SHC2: variants seen among roughly 807,000 people sequenced by gnomAD.
The protein encoded by SHC2 is SHC adaptor protein 2, also known as SHC-transforming protein 2.
A neutral mutation model predicts 60.6 loss-of-function variants in SHC2; 62 were observed. The observed-to-expected ratio is 1.02, with a 90% CI of 0.83 to 1.26. The LOEUF is 1.26. Among genes scored for constraint, SHC2 ranks in the 50% most tolerant of loss-of-function variants. The pLI is 0.00. For missense variants in SHC2, 873 were observed against 822.2 expected (o/e 1.06, Z -0.76); for synonymous variants, 375 against 372.4 (o/e 1.01, Z -0.08).
rs1014349634 is a variant in SHC2, at chr19:438,710, A to G, written c.720+8T>C. On this transcript the variant is annotated splice_region_variant and intron_variant, in intron 4 of 12. Coordinates refer to ENST00000264554, the MANE Select transcript of SHC2 (RefSeq NM_012435.3). This position sits in a 1 kb window ranked among gnomAD's most constrained non-coding sequence, Gnocchi z 5.0. ...TCTGGGGACGCCAGGCGAAGAGGGC[A>G]GACCCACCTGGCGCGTGGCAGGCAC... 12 of 1,551,558 alleles carry G rather than the reference A, an allele frequency of 7.7e-6. No homozygotes were observed. In the African/African-American group the frequency reaches 1.2e-4, roughly 16 times the overall value.
Position 460,688 on chromosome 19 carries a change from C to T in SHC2, c.309G>A (p.Gly103=). The change falls in exon 1 of 13, where the codon GGG becomes GGA. Residue 103 remains glycine (G), a synonymous_variant. Transcript: ENST00000264554. ...CCCGCCCGCCCCGCGACCCCCGCGACCCCGCGCCCCGACAGCGGCTGAGCG... is the reference window on the plus strand; with the variant it reads ...CCCGCCCGCCCCGCGACCCCCGCGATCCCGCGCCCCGACAGCGGCTGAGCG... ...LPALSRCRGA[G]SRGSRGGRGA... The T allele has an allele frequency of 9.7e-7, 1 of 1,035,556 alleles. No individual in the cohort carries two copies. Among genetic ancestry groups the T allele is most frequent in the South Asian group, 4.4e-5 (1 of 22,684 alleles). The allele number at this position is 1,035,556 out of a possible 1,614,324, so 64.1% of individuals were successfully genotyped here. A position where few individuals can be genotyped will look rare whatever the true frequency, so the allele number is the denominator to read the frequency against.
At position 458,326 on chromosome 19, in the gene SHC2, G is replaced by GTGGGT. The variant is rs1337593879; in HGVS notation, c.468+2202_468+2203insACCCA. On this transcript the variant is annotated intron_variant, in intron 1 of 12. Coordinates refer to ENST00000264554, the MANE Select transcript of SHC2 (RefSeq NM_012435.3). ...GGAAGCGGGTCTTGGGGAGGCGGAA[G>GTGGGT]CGGGTTCCGGGGAGACAGAAGCGGG... 4.8e-5 allele frequency among the ~76,000 whole-genome samples: 6 copies of GTGGGT among 126,174 alleles called. 2 individuals carry two copies. Among genetic ancestry groups the GTGGGT allele is most frequent in the Non-Finnish European group, 6.6e-5 (4 of 60,914 alleles). The allele number at this position is 126,174 out of a possible 152,430, so 82.8% of individuals were successfully genotyped here.
Position 440,817 on chromosome 19 carries a change from T to C in SHC2, c.539+45A>G, listed in dbSNP as rs59355917. On this transcript the variant is annotated intron_variant, in intron 2 of 12. Transcript: ENST00000264554. This position sits in a 1 kb window ranked among gnomAD's most constrained non-coding sequence, Gnocchi z 7.0. ...GCCCTCCAGTGCTGCCGCCCTCCAG[T>C]GCGTCACTCAGCCCTACGCGGCCAG... 0.05 allele frequency: 76,583 copies of C among 1,538,294 alleles called. 8,855 individuals carry two copies. The highest frequency in any genetic ancestry group is 0.42 in the African/African-American group (30,865 of 72,896).
At position 441,148 on chromosome 19, in the gene SHC2, G is replaced by C. The variant is rs77411731; in HGVS notation, c.469-216C>G. ...CCTCTGACTCCAGGCATGTTTTTCTGTGTTGCTGTTTCTCAGGAGCCTGGT... is the reference window on the plus strand; with the variant it reads ...CCTCTGACTCCAGGCATGTTTTTCTCTGTTGCTGTTTCTCAGGAGCCTGGT... On this transcript the variant is annotated intron_variant, in intron 1 of 12. Coordinates refer to ENST00000264554, the MANE Select transcript of SHC2 (RefSeq NM_012435.3). The surrounding 1 kb of genome is among the most constrained non-coding windows in gnomAD (Gnocchi z 4.9). 0.027 allele frequency: 25,933 copies of C among 977,354 alleles called. 1,624 individuals carry two copies. Among genetic ancestry groups the C allele is most frequent in the East Asian group, 0.21 (1,764 of 8,454 alleles). 60.5% of individuals were successfully genotyped at this position (977,354 alleles called of 1,614,324 possible). A position where few individuals can be genotyped will look rare whatever the true frequency, so the allele number is the denominator to read the frequency against.
At chr19:444,577 T>C (rs1260262274) in intron 1 of SHC2, among the ~76,000 whole-genome samples, 1 of 152,120 alleles carries the variant, frequency 6.6e-6, no homozygotes, top group African/African-American at 2.4e-5. Flanking sequence ...CGAGAGGAAA[T>C]GCAATATCCT....
chr19:436,315 C>A, intron 6 of SHC2, 24 bp from the exon 7 acceptor site: 1 of 1,583,516 alleles, frequency 6.3e-7, no homozygotes, highest in Non-Finnish European at 8.6e-7. Context: ...GGTCATGCAG[C>A]CTCCGAGCCA....
In SHC2 at chr19:425,732, A is replaced by G. The variant is rs1446268146; in HGVS notation, c.1175-501T>C. Reference sequence around the variant, plus strand: ...TTTTTTAATTGTATTTTGAACGTGTAAAGTGTTTACATGGGGCCGGGCGTG... The same window carrying G: ...TTTTTTAATTGTATTTTGAACGTGTGAAGTGTTTACATGGGGCCGGGCGTG... On this transcript the variant is annotated intron_variant, in intron 9 of 12. Transcript: ENST00000264554. This position sits in a 1 kb window ranked among gnomAD's most constrained non-coding sequence, Gnocchi z 4.1. 1.3e-5 allele frequency among the ~76,000 whole-genome samples: 2 copies of G among 152,138 alleles called. No individual in the cohort carries two copies. Among genetic ancestry groups the G allele is most frequent in the African/African-American group, 4.8e-5 (2 of 41,432 alleles).
In SHC2 at chr19:440,910, A is replaced by G. The variant is rs1325722163; in HGVS notation, c.491T>C (p.Leu164Pro). 6.2e-7 allele frequency: 1 copy of G among 1,612,828 alleles called. No homozygotes were observed. The highest frequency in any genetic ancestry group is 1.1e-5 in the South Asian group (1 of 91,088). Residue 164 changes from leucine to proline, a missense_variant, in exon 2 of 13, where the codon CTC becomes CCC. By Grantham distance (98) the Leu-to-Pro change is moderately conservative. Transcript: ENST00000264554. The surrounding 1 kb of genome is among the most constrained non-coding windows in gnomAD (Gnocchi z 7.0). ...AAAGTCCAGGGAGCGCATAGAGCGG[A>G]GAACCTCGATGCAGCCCATGTACTG... ...VVRYMGCIEV[L>P]RSMRSLDFNT... is the part of the protein sequence containing the mutation.
chr19:430,876 C>T (rs1974570115), intron 8 of SHC2, 129 bp from the exon 9 acceptor site: 4 of 782,218 alleles, frequency 5.1e-6, no homozygotes, highest in African/African-American at 1.7e-5. Context: ...AGCCCTGGCC[C>T]TCCCATTGCT....
chr19:426,935 C>A (rs1368205088), intron 9 of SHC2, among the ~76,000 whole-genome samples: 1 of 151,910 alleles, frequency 6.6e-6, no homozygotes, highest in Non-Finnish European at 1.5e-5. Context: ...GCGCTATGGG[C>A]ACATTTGTAG....
At chr19:423,078 G>A (rs1425912967) in intron 10 of SHC2, among the ~76,000 whole-genome samples, 2 of 152,276 alleles carry the variant, frequency 1.3e-5, no homozygotes, top group Non-Finnish European at 1.5e-5. Flanking sequence ...GCATCTACCC[G>A]TGGCTGGGGC....
At position 446,572 on chromosome 19, in the gene SHC2, T is replaced by C. The variant is rs1485971124; in HGVS notation, c.469-5640A>G. On this transcript the variant is annotated intron_variant, in intron 1 of 12. Transcript: ENST00000264554. This position sits in a 1 kb window ranked among gnomAD's most constrained non-coding sequence, Gnocchi z 5.4. ...GATCCGCCTCGGTCTCCCAAAGTGCTGGGACTACAGGCGTGAGTCACCGCG... is the reference window on the plus strand; with the variant it reads ...GATCCGCCTCGGTCTCCCAAAGTGCCGGGACTACAGGCGTGAGTCACCGCG... 6.6e-6 allele frequency among the ~76,000 whole-genome samples: 1 copy of C among 152,194 alleles called. No individual in the cohort carries two copies. Among genetic ancestry groups the C allele is most frequent in the East Asian group, 1.9e-4 (1 of 5,190 alleles).
rs917165088 is a variant in SHC2, at chr19:438,131, C to T, written c.720+587G>A. Among the ~76,000 whole-genome samples, 5 of 152,208 alleles carry T rather than the reference C, an allele frequency of 3.3e-5. No individual in the cohort carries two copies. The highest frequency in any genetic ancestry group is 4.2e-4 in the South Asian group (2 of 4,818). On this transcript the variant is annotated intron_variant, in intron 4 of 12. Coordinates refer to ENST00000264554, the MANE Select transcript of SHC2 (RefSeq NM_012435.3). This position sits in a 1 kb window ranked among gnomAD's most constrained non-coding sequence, Gnocchi z 5.0. ...CCCAAGTAGCTGGGATTACAGGCGCCCACCACCACACCCGGCTAATCTTTG... is the reference window on the plus strand; with the variant it reads ...CCCAAGTAGCTGGGATTACAGGCGCTCACCACCACACCCGGCTAATCTTTG...
intron 1 of SHC2, among the ~76,000 whole-genome samples, chr19:452,857 C>T (rs1488478015): frequency 6.6e-6 from 1 of 152,134 alleles, no homozygotes; most frequent in Non-Finnish European, 1.5e-5. Context: ...GGGTGGGGCT[C>T]GAGAATCAGC....
rs901056920 is a variant in SHC2 at position 424,146 on chromosome 19, C to G, written c.1309+951G>C. 6.6e-6 allele frequency among the ~76,000 whole-genome samples: 1 copy of G among 152,206 alleles called. No homozygotes were observed. Among genetic ancestry groups the G allele is most frequent in the East Asian group, 1.9e-4 (1 of 5,190 alleles). ...CGGCAGCTCAGAGCCAACACCTCTC[C>G]GTGCTGGAGAAGGGCAGAGTCGAGG... On this transcript the variant is annotated intron_variant, in intron 10 of 12. Coordinates refer to ENST00000264554, the MANE Select transcript of SHC2 (RefSeq NM_012435.3). This position sits in a 1 kb window ranked among gnomAD's most constrained non-coding sequence, Gnocchi z 4.5.
In SHC2 at chr19:419,067, G is replaced by A. The variant is rs1412088216; in HGVS notation, c.1621-11C>T. The A allele has an allele frequency of 6.4e-7, 1 of 1,569,374 alleles. No individual in the cohort carries two copies. Among genetic ancestry groups the A allele is most frequent in the African/African-American group, 1.4e-5 (1 of 74,068 alleles). ...GTCCTTCGTCCGTACCTGCGGGACA[G>A]AGACCTCGGCATCAGCTCCCGGGAG... On this transcript the variant is annotated splice_polypyrimidine_tract_variant and intron_variant, in intron 11 of 12. Coordinates refer to ENST00000264554, the MANE Select transcript of SHC2 (RefSeq NM_012435.3).
intron 11 of SHC2, 84 bp from the exon 12 acceptor site, chr19:419,140 G>C: frequency 6.9e-7 from 1 of 1,450,228 alleles, no homozygotes; most frequent in Non-Finnish European, 9.2e-7. Flanking sequence ...GGGTCCTGCC[G>C]GGGAGCCCCT....
In SHC2 at chr19:436,390, G is replaced by C; in HGVS notation, c.816C>G (p.Ile272Met). 1.3e-6 allele frequency: 2 copies of C among 1,594,046 alleles called. No homozygotes were observed. The highest frequency in any genetic ancestry group is 1.7e-6 in the Non-Finnish European group (2 of 1,167,238). Residue 272 changes from isoleucine (I) to methionine (M), a missense_variant, in exon 6 of 13, where the codon ATC becomes ATG. Coordinates refer to ENST00000264554, the MANE Select transcript of SHC2 (RefSeq NM_012435.3). ...DYVAYVAKDPINQRACHILEC... is the reference protein window; with the variant it reads ...DYVAYVAKDPMNQRACHILEC... ...CCCCGGGGGCCTCACCTCTCTGGTT[G>C]ATGGGGTCCTTGGCGACGTAGGCCA...
intron 12 of SHC2, among the ~76,000 whole-genome samples, chr19:418,722 G>A (rs960668134): frequency 1.7e-4 from 24 of 140,132 alleles, no homozygotes; most frequent in African/African-American, 7.6e-4. Flanking sequence ...AGTGACGGCT[G>A]GTGGGGACAG....
Sources: gnomAD v4.1 joint callset for allele counts (sites outside exome capture counted in the v4.1 genomes callset) on GRCh38, gnomAD v4.1.1 for gene constraint, Gnocchi (gnomAD v3.1) non-coding constraint, MANE v1.5 for transcripts, NCBI Gene and HGNC (gene_info 2026-07-23, HGNC 2026-07-21) for gene names.